SLIT2: variants seen among roughly 807,000 people sequenced by gnomAD.
SLIT2 encodes the protein slit homolog 2 protein.
A neutral mutation model predicts 185.7 loss-of-function variants in SLIT2; 41 were observed. That is an observed-to-expected ratio of 0.22 (90% CI 0.17 to 0.29). The LOEUF is 0.29. Among genes scored for constraint, SLIT2 ranks in the 10% least tolerant of loss-of-function variants. SLIT2 has a pLI of 1.00. For missense variants in SLIT2, 1,571 were observed against 1,909.0 expected, an observed-to-expected ratio of 0.82 and a Z score of 3.30; for synonymous variants, 693 against 680.2, an observed-to-expected ratio of 1.02 and a Z score of -0.29.
At chr4:20,511,596 T>A (rs866329632) in intron 11 of SLIT2, among the ~76,000 whole-genome samples, 4 of 138,574 alleles carry the variant, frequency 2.9e-5, no homozygotes, top group South Asian at 4.6e-4. Flanking sequence ...AATTTTTTTT[T>A]TTTTTTTATT....
rs965360697 is a variant in SLIT2, at chr4:20,542,711, A to G, written c.2276+85A>G. ...CCCAGAGGAATGGACAAAAATCTTT[A>G]CAATCTTCTTTACAAATCATATTCT... On this transcript the variant is annotated intron_variant, in intron 21 of 36. Coordinates refer to ENST00000504154, the MANE Select transcript of SLIT2 (RefSeq NM_004787.4). 5 of 1,363,476 alleles carry G rather than the reference A, an allele frequency of 3.7e-6. No homozygotes were observed. In the African/African-American group the frequency reaches 7.3e-5, roughly 20 times the overall value. 84.5% of individuals were successfully genotyped at this position (1,363,476 alleles called of 1,614,324 possible).
intron 34 of SLIT2, among the ~76,000 whole-genome samples, chr4:20,612,556 T>A (rs1478861612): frequency 6.6e-6 from 1 of 152,086 alleles, no homozygotes; most frequent in Non-Finnish European, 1.5e-5. Flanking sequence ...CAGCCTTGAA[T>A]GCTGTATGGC....
intron 3 of SLIT2, among the ~76,000 whole-genome samples, chr4:20,266,321 A>G (rs903740271): frequency 6.6e-6 from 1 of 151,916 alleles, no homozygotes; most frequent in Non-Finnish European, 1.5e-5. Flanking sequence ...GTTTAAACAC[A>G]TTGAATTCTT....
In SLIT2 at chr4:20,565,273, C is replaced by T. The variant is rs975930414; in HGVS notation, c.2726-1989C>T. On this transcript the variant is annotated intron_variant, in intron 26 of 36. Transcript: ENST00000504154. The stretch of plus-strand genomic sequence containing the variant: ...ATGTGGCCAGATAAATGCTTATAGT[C>T]GTTGCATTTGCTGACTTGCTGTTTT... 3.9e-5 allele frequency among the ~76,000 whole-genome samples: 6 copies of T among 152,040 alleles called. No homozygotes were observed. In the South Asian group the frequency reaches 6.2e-4, roughly 16 times the overall value.
intron 3 of SLIT2, among the ~76,000 whole-genome samples, chr4:20,264,212 G>T (rs1273940520): frequency 6.6e-6 from 1 of 151,806 alleles, no homozygotes; most frequent in Non-Finnish European, 1.5e-5. Flanking sequence ...TTTAAAATCT[G>T]TGCTTTAAAA....
chr4:20,323,327 G>T (rs1164618907), intron 4 of SLIT2, among the ~76,000 whole-genome samples: 1 of 152,164 alleles, frequency 6.6e-6, no homozygotes, highest in Non-Finnish European at 1.5e-5. Flanking sequence ...AGTGGATTCT[G>T]TCTTTGGATG....
chr4:20,590,616 C>T (rs1002713028), intron 30 of SLIT2, among the ~76,000 whole-genome samples: 1 of 152,202 alleles, frequency 6.6e-6, no homozygotes, highest in Admixed American at 6.5e-5. Flanking sequence ...TAAGTGTACT[C>T]CCTTAAGTGA....
Position 20,340,749 on chromosome 4 carries a change from C to T in SLIT2, c.395+71868C>T, listed in dbSNP as rs997713824. 3.9e-5 allele frequency among the ~76,000 whole-genome samples: 6 copies of T among 152,106 alleles called. No homozygotes were observed. In the East Asian group the frequency reaches 5.8e-4, roughly 15 times the overall value. On this transcript the variant is annotated intron_variant, in intron 4 of 36. Coordinates refer to ENST00000504154, the MANE Select transcript of SLIT2 (RefSeq NM_004787.4). ...CTGAGTAGCTGGGACTACAGGTGCC[C>T]GCCACTAGACCCGGCTAATTTTTTG... is the stretch of plus-strand genomic sequence containing the variant.
intron 24 of SLIT2, 68 bp from the exon 25 acceptor site, chr4:20,550,759 C>T (rs1376308742): frequency 1.1e-5 from 10 of 927,920 alleles, no homozygotes; most frequent in Admixed American, 8.2e-5. Context: ...ACTAAAGTCT[C>T]GGAATTTCTC....
At chr4:20,303,819 A>G (rs1717283349) in intron 4 of SLIT2, among the ~76,000 whole-genome samples, 1 of 152,220 alleles carries the variant, frequency 6.6e-6, no homozygotes, top group South Asian at 2.1e-4. Flanking sequence ...GAGGAAGAAT[A>G]TTCCAGCTAG....
At chr4:20,529,944 C>CCCA (rs1721639216) in intron 16 of SLIT2, among the ~76,000 whole-genome samples, 2 of 152,168 alleles carry the variant, frequency 1.3e-5, no homozygotes, top group Non-Finnish European at 2.9e-5. Flanking sequence ...TAGATTATAG[C>CCCA]TCCTTGATGA....
intron 21 of SLIT2, among the ~76,000 whole-genome samples, chr4:20,545,347 G>A (rs1281797366): frequency 6.6e-6 from 1 of 151,656 alleles, no homozygotes; most frequent in African/African-American, 2.4e-5. Context: ...TCAGGCATTC[G>A]ATTATCTCTC....
intron 24 of SLIT2, among the ~76,000 whole-genome samples, chr4:20,550,474 A>T (rs997850835): frequency 6.6e-6 from 1 of 151,778 alleles, no homozygotes; most frequent in African/African-American, 2.4e-5. Context: ...GATATATTTT[A>T]TGTTGTCAAA....
intron 32 of SLIT2, among the ~76,000 whole-genome samples, chr4:20,597,732 G>C (rs191902373): frequency 3.6e-4 from 55 of 152,266 alleles, no homozygotes; most frequent in Admixed American, 1.9e-3. Flanking sequence ...CTACCTTCCA[G>C]TGTTTGCCCC....
In SLIT2 at chr4:20,401,560, G is replaced by A. The variant is rs150625712; in HGVS notation, c.396-66192G>A. On this transcript the variant is annotated intron_variant, in intron 4 of 36. Coordinates refer to ENST00000504154, the MANE Select transcript of SLIT2 (RefSeq NM_004787.4). The stretch of plus-strand genomic sequence containing the variant: ...CCAGCAAATCTGCATGCTTAGCCAC[G>A]CAGCTGGGTGGGTAGGTTCACTTAC... Among the ~76,000 whole-genome samples, 896 of 151,876 alleles carry A rather than the reference G, an allele frequency of 5.9e-3. 5 individuals carry two copies. Among genetic ancestry groups the A allele is most frequent in the Middle Eastern group, 0.027 (8 of 294 alleles).
intron 26 of SLIT2, among the ~76,000 whole-genome samples, chr4:20,557,492 A>G (rs73801870): frequency 2.7e-4 from 41 of 152,164 alleles, no homozygotes; most frequent in African/African-American, 9.9e-4. Flanking sequence ...GGTTTCCTGA[A>G]TAATTTAAGC....
chr4:20,408,210 T>C (rs1399052666), intron 4 of SLIT2, among the ~76,000 whole-genome samples: 1 of 152,182 alleles, frequency 6.6e-6, no homozygotes, highest in East Asian at 1.9e-4. Context: ...GCTTGTAATA[T>C]CCAGACCATC....
chr4:20,511,702 A>G (rs1032886813), intron 11 of SLIT2, among the ~76,000 whole-genome samples: 2 of 150,816 alleles, frequency 1.3e-5, no homozygotes, highest in African/African-American at 4.9e-5. Context: ...TGCTGGGATT[A>G]CAGGCATGAG....
chr4:20,537,702 C>G (rs55985016), intron 18 of SLIT2, among the ~76,000 whole-genome samples: 28,524 of 152,024 alleles, frequency 0.19, 3,293 homozygotes, highest in Middle Eastern at 0.35. Context: ...GAACCAAACT[C>G]AGGGTAGTTA....
Sources: allele counts gnomAD v4.1 joint callset (sites outside exome capture counted in the v4.1 genomes callset), GRCh38; gene constraint gnomAD v4.1.1; transcripts MANE v1.5; gene names NCBI Gene and HGNC (gene_info 2026-07-23, HGNC 2026-07-21).